KHDRBS2: variants seen among roughly 807,000 people sequenced by gnomAD.
The protein encoded by KHDRBS2 is KH RNA binding domain containing, signal transduction associated 2, also known as KH domain-containing, RNA-binding, signal transduction-associated protein 2.
KHDRBS2 carries 26 observed loss-of-function variants against 44.3 expected under a neutral mutation model. The observed-to-expected ratio is 0.59, with a 90% confidence interval of 0.43 to 0.81. The LOEUF (loss-of-function observed/expected upper bound fraction) is 0.81, where lower values mean the gene tolerates loss of function less well. Ranked by LOEUF, KHDRBS2 falls within the 40% of genes least tolerant of loss-of-function variation. The pLI is 0.00. For missense variants in KHDRBS2, 476 were observed against 433.1 expected (o/e 1.10, Z -0.88); for synonymous variants, 194 against 151.1 (o/e 1.28, Z -2.08).
intron 6 of KHDRBS2, among the ~76,000 whole-genome samples, chr6:61,835,593 C>G (rs1412761150): frequency 1.3e-5 from 2 of 151,890 alleles, no homozygotes; most frequent in African/African-American, 4.8e-5. Context: ...GTACATGATG[C>G]TTTCCCAAAC....
intron 2 of KHDRBS2, among the ~76,000 whole-genome samples, chr6:62,079,400 G>A (rs1270415615): frequency 6.6e-6 from 1 of 151,866 alleles, no homozygotes; most frequent in Admixed American, 6.6e-5. Context: ...TTATTGGACA[G>A]CCTGGAATCA....
At chr6:61,807,647 C>T (rs912894431) in intron 6 of KHDRBS2, among the ~76,000 whole-genome samples, 9 of 152,084 alleles carry the variant, frequency 5.9e-5, no homozygotes, top group Non-Finnish European at 1.2e-4. Context: ...AGGGGAACAA[C>T]AGACACTAGG....
intron 6 of KHDRBS2, among the ~76,000 whole-genome samples, chr6:61,820,679 G>A (rs1205303124): frequency 6.6e-6 from 1 of 151,976 alleles, no homozygotes; most frequent in Non-Finnish European, 1.5e-5. Context: ...AGTCACATTT[G>A]TATTCCTGTT....
chr6:61,771,662 T>C (rs1260432871), intron 6 of KHDRBS2, among the ~76,000 whole-genome samples: 2 of 152,108 alleles, frequency 1.3e-5, no homozygotes, highest in African/African-American at 4.8e-5. Context: ...ATGCACCCAA[T>C]ACAGGAGCAC....
At chr6:62,070,127 T>A (rs1794645902) in intron 2 of KHDRBS2, among the ~76,000 whole-genome samples, 1 of 151,804 alleles carries the variant, frequency 6.6e-6, no homozygotes, top group Non-Finnish European at 1.5e-5. Flanking sequence ...CTACAGAAGT[T>A]AAACCTATTT....
intron 3 of KHDRBS2, among the ~76,000 whole-genome samples, chr6:62,044,982 A>G (rs1273500040): frequency 6.6e-6 from 1 of 152,086 alleles, no homozygotes; most frequent in Non-Finnish European, 1.5e-5. Flanking sequence ...CATGTTGAGT[A>G]GGTAAATATA....
At chr6:62,211,054 C>T (rs961962360) in intron 1 of KHDRBS2, among the ~76,000 whole-genome samples, 1 of 152,034 alleles carries the variant, frequency 6.6e-6, no homozygotes, top group Non-Finnish European at 1.5e-5. Context: ...TCCAAATGAT[C>T]CCTTTTAGTT....
intron 2 of KHDRBS2, among the ~76,000 whole-genome samples, chr6:62,051,384 T>C (rs1789005065): frequency 6.6e-6 from 1 of 152,066 alleles, no homozygotes; most frequent in African/African-American, 2.4e-5. Context: ...TTGCATATGA[T>C]ATATAATAAA....
At chr6:61,586,614 A>G in the KHDRBS2 span, among the ~76,000 whole-genome samples, 2 of 152,140 alleles carry the variant, frequency 1.3e-5, no homozygotes, top group African/African-American at 4.8e-5. Flanking sequence ...CTTGATATCA[A>G]TCTATGACAT....
intron 6 of KHDRBS2, among the ~76,000 whole-genome samples, chr6:61,864,651 C>G (rs1797524891): frequency 6.6e-6 from 1 of 152,118 alleles, no homozygotes. Context: ...TGATAAGCTT[C>G]CCTTTGCAGG....
the KHDRBS2 span, among the ~76,000 whole-genome samples, chr6:61,591,006 A>G: frequency 6.6e-6 from 1 of 152,216 alleles, no homozygotes; most frequent in Admixed American, 6.5e-5. Flanking sequence ...AGAGTAGAAC[A>G]CTCAAAGAGC....
chr6:61,624,098 G>A, the KHDRBS2 span, among the ~76,000 whole-genome samples: 5 of 152,108 alleles, frequency 3.3e-5, no homozygotes, highest in Non-Finnish European at 7.4e-5. Flanking sequence ...ATATGGGAGA[G>A]GATACAAAGT....
At chr6:61,673,722 G>A in the KHDRBS2 span, among the ~76,000 whole-genome samples, 65 of 140,582 alleles carry the variant, frequency 4.6e-4, no homozygotes, top group East Asian at 0.012. Flanking sequence ...TACAAGGGAC[G>A]TGAAGGACCT....
chr6:61,618,686 A>C, the KHDRBS2 span, among the ~76,000 whole-genome samples: 2 of 152,266 alleles, frequency 1.3e-5, no homozygotes, highest in South Asian at 2.1e-4. Flanking sequence ...ATGTGTTCTC[A>C]TCATTTAGCT....
intron 3 of KHDRBS2, among the ~76,000 whole-genome samples, chr6:62,032,251 A>G (rs1347974189): frequency 1.3e-5 from 2 of 152,084 alleles, no homozygotes; most frequent in East Asian, 1.9e-4. Flanking sequence ...CAGTGGGGGG[A>G]AAGGCAGACA....
intron 4 of KHDRBS2, among the ~76,000 whole-genome samples, chr6:61,949,746 A>G (rs1455918691): frequency 1.3e-5 from 2 of 152,026 alleles, no homozygotes; most frequent in African/African-American, 4.8e-5. Context: ...ACAAAATTTT[A>G]AAAGAATAAT....
At chr6:61,546,536 A>G in the KHDRBS2 span, among the ~76,000 whole-genome samples, 1 of 152,172 alleles carries the variant, frequency 6.6e-6, no homozygotes, top group African/African-American at 2.4e-5. Flanking sequence ...TCACAAAAAT[A>G]GCATCTTCAA....
chr6:61,556,010 C>G, the KHDRBS2 span, among the ~76,000 whole-genome samples: 1 of 152,210 alleles, frequency 6.6e-6, no homozygotes, highest in Non-Finnish European at 1.5e-5. Context: ...ATGCCAGCTG[C>G]AGTGGCAGCA....
intron 6 of KHDRBS2, chr6:61,813,827 A>G (rs1168826108): frequency 2.4e-6 from 1 of 417,172 alleles, no homozygotes; most frequent in African/African-American, 2.1e-5. Flanking sequence ...AAGAAAAAGT[A>G]TTTTTCCTCC....
Sources: allele counts gnomAD v4.1 joint callset (sites outside exome capture counted in the v4.1 genomes callset), GRCh38; gene constraint gnomAD v4.1.1; transcripts MANE v1.5; gene names NCBI Gene and HGNC (gene_info 2026-07-23, HGNC 2026-07-21).